Variants in SPIN1 observed in about 807,000 individuals in gnomAD.
SPIN1 encodes the protein spindlin 1.
Under a neutral mutation model 26.0 loss-of-function variants are expected in SPIN1, and 3 were observed. That is an observed-to-expected ratio of 0.12 (90% CI 0.05 to 0.30). The LOEUF (loss-of-function observed/expected upper bound fraction) is 0.30. Among genes scored for constraint, SPIN1 ranks in the 10% least tolerant of loss-of-function variants. The probability of loss-of-function intolerance (pLI) is 1.00; values close to 1 mark genes in which losing one functional copy is unlikely to be tolerated. For missense variants in SPIN1, 126 were observed against 333.4 expected (o/e 0.38, Z 4.84); for synonymous variants, 101 against 116.5 (o/e 0.87, Z 0.86).
intron 1 of SPIN1, among the ~76,000 whole-genome samples, chr9:88,420,380 A>C (rs955160332): frequency 6.6e-6 from 1 of 152,236 alleles, no homozygotes; most frequent in Non-Finnish European, 1.5e-5. Context: ...CGTCTCAACA[A>C]AACGAAACAG....
intron 3 of SPIN1, among the ~76,000 whole-genome samples, chr9:88,451,963 C>T (rs959819829): frequency 6.6e-6 from 1 of 152,196 alleles, no homozygotes; most frequent in Non-Finnish European, 1.5e-5. Context: ...TTCCCTCCCC[C>T]CTCCTGCAAT....
At chr9:88,437,322 A>T (rs1302780526) in intron 2 of SPIN1, among the ~76,000 whole-genome samples, 27 of 151,698 alleles carry the variant, frequency 1.8e-4, no homozygotes. Flanking sequence ...ACATGGCAAA[A>T]CCCTATCTCT....
intron 1 of SPIN1, among the ~76,000 whole-genome samples, chr9:88,421,241 AC>A (rs1477315854): frequency 6.6e-6 from 1 of 152,114 alleles, no homozygotes; most frequent in Non-Finnish European, 1.5e-5. Flanking sequence ...TGATAATCTT[AC>A]AATATCTAAT....
At chr9:88,420,103 C>G (rs142040206) in intron 1 of SPIN1, among the ~76,000 whole-genome samples, 1 of 152,188 alleles carries the variant, frequency 6.6e-6, no homozygotes, top group Non-Finnish European at 1.5e-5. Flanking sequence ...AGGCCAGGCG[C>G]GGTGGCTCAT....
At chr9:88,467,974 T>A (rs560436931) in intron 4 of SPIN1, among the ~76,000 whole-genome samples, 2 of 152,242 alleles carry the variant, frequency 1.3e-5, no homozygotes, top group Non-Finnish European at 2.9e-5. Context: ...GGAACTCTAC[T>A]ATTTTTCCAG....
intron 1 of SPIN1, among the ~76,000 whole-genome samples, chr9:88,422,163 TTG>T (rs1279111686): frequency 6.6e-6 from 1 of 152,218 alleles, no homozygotes; most frequent in East Asian, 1.9e-4. Flanking sequence ...AACCTTTCTC[TTG>T]ATAGTTTTAG....
chr9:88,404,307 T>A (rs956620378), intron 1 of SPIN1, among the ~76,000 whole-genome samples: 1 of 152,184 alleles, frequency 6.6e-6, no homozygotes, highest in Non-Finnish European at 1.5e-5. Context: ...ACACTAAATT[T>A]ATAGAAAAAT....
intron 1 of SPIN1, chr9:88,410,999 T>C: frequency 1.3e-6 from 2 of 1,527,768 alleles, no homozygotes; most frequent in Middle Eastern, 2.3e-4. Context: ...GGAGTTGTGG[T>C]CGTCAAAGGT....
intron 1 of SPIN1, chr9:88,391,442 AT>A (rs1826917916): frequency 6.3e-6 from 1 of 158,946 alleles, no homozygotes; most frequent in Non-Finnish European, 1.4e-5. Context: ...CTGCAGCCAC[AT>A]TTGAATGGTT....
chr9:88,428,651 T>C (rs1827806111), intron 2 of SPIN1, among the ~76,000 whole-genome samples: 1 of 152,216 alleles, frequency 6.6e-6, no homozygotes, highest in Non-Finnish European at 1.5e-5. Context: ...GATTTTATTT[T>C]TTTTAAAGGG....
Position 88,444,534 on chromosome 9 carries a change from C to T in SPIN1, c.53-4407C>T, listed in dbSNP as rs112756511. ...CTGGGATCACAGGCGTGAGCCACCGCGCCCGGCCCCCATTCTGTTTTTATA... is the reference window on the plus strand; with the variant it reads ...CTGGGATCACAGGCGTGAGCCACCGTGCCCGGCCCCCATTCTGTTTTTATA... On this transcript the variant is annotated intron_variant, in intron 2 of 5. Coordinates refer to ENST00000375859, the MANE Select transcript of SPIN1 (RefSeq NM_006717.3). 9.9e-3 allele frequency among the ~76,000 whole-genome samples: 1,500 copies of T among 151,152 alleles called. 24 individuals are homozygous for T. The highest frequency in any genetic ancestry group is 0.035 in the African/African-American group (1,424 of 41,172).
intron 3 of SPIN1, among the ~76,000 whole-genome samples, chr9:88,454,039 GT>G (rs1828418656): frequency 6.6e-6 from 1 of 151,994 alleles, no homozygotes; most frequent in South Asian, 2.1e-4. Flanking sequence ...TTCTGGAATT[GT>G]TTCAAGAAAT....
chr9:88,417,165 C>T (rs550778936), intron 1 of SPIN1, among the ~76,000 whole-genome samples: 10 of 152,252 alleles, frequency 6.6e-5, no homozygotes, highest in East Asian at 5.8e-4. Flanking sequence ...TATCTATGCT[C>T]TGTATTTAGA....
chr9:88,425,940 C>T (rs192487691), intron 1 of SPIN1, among the ~76,000 whole-genome samples: 2 of 152,258 alleles, frequency 1.3e-5, no homozygotes, highest in East Asian at 1.9e-4. Context: ...TCCACTCTGC[C>T]TCCCCAGTAA....
At chr9:88,419,194 C>G (rs150053427) in intron 1 of SPIN1, among the ~76,000 whole-genome samples, 2 of 152,192 alleles carry the variant, frequency 1.3e-5, no homozygotes, top group African/African-American at 4.8e-5. Context: ...ATTCCTATTA[C>G]GTGCTCCACC....
At chr9:88,410,588 C>T (rs1276545122) in intron 1 of SPIN1, 14 of 869,124 alleles carry the variant, frequency 1.6e-5, no homozygotes, top group South Asian at 2.6e-5. Context: ...TAGTAGCCAC[C>T]GTGGTTTCAT....
chr9:88,392,186 C>CATTTTTTT (rs781734045), intron 1 of SPIN1, among the ~76,000 whole-genome samples: 162 of 152,230 alleles, frequency 1.1e-3, no homozygotes, highest in Middle Eastern at 3.4e-3. Context: ...TAGTTATTAG[C>CATTTTTTT]ATTTTTTTAA....
chr9:88,443,356 C>G (rs1311695028), intron 2 of SPIN1, among the ~76,000 whole-genome samples: 1 of 152,156 alleles, frequency 6.6e-6, no homozygotes, highest in Non-Finnish European at 1.5e-5. Context: ...ATAAGCCTGT[C>G]TCTGAAAGGC....
chr9:88,431,019 A>G (rs1587793771), intron 2 of SPIN1, among the ~76,000 whole-genome samples: 1 of 151,398 alleles, frequency 6.6e-6, no homozygotes, highest in Non-Finnish European at 1.5e-5. Flanking sequence ...AGTGGCTGGG[A>G]TTACAGGCAT....
Sources: allele counts gnomAD v4.1 joint callset (sites outside exome capture counted in the v4.1 genomes callset), GRCh38; gene constraint gnomAD v4.1.1; transcripts MANE v1.5; gene names NCBI Gene and HGNC (gene_info 2026-07-23, HGNC 2026-07-21).